The following PPP2R2D variants were observed in gnomAD, a reference collection of about 807,000 sequenced individuals.
PPP2R2D encodes the protein protein phosphatase 2 regulatory subunit Bdelta.
PPP2R2D carries 9 observed loss-of-function variants against 31.1 expected under a neutral mutation model. The ratio of observed to expected loss-of-function variants is 0.29; its 90% CI spans 0.17 to 0.51. PPP2R2D has a LOEUF of 0.51. PPP2R2D is among the 20% of genes least tolerant of loss of function. The pLI is 0.98. For missense variants in PPP2R2D, 391 were observed against 465.6 expected, an observed-to-expected ratio of 0.84 and a Z score of 1.48; for synonymous variants, 179 against 172.6, an observed-to-expected ratio of 1.04 and a Z score of -0.29.
chr10:131,957,691 C>CAT lies in PPP2R2D; in HGVS notation c.*1728_*1729insAT, dbSNP rs1564829334. 7 of 166,016 alleles carry CAT rather than the reference C, an allele frequency of 4.2e-5. No homozygotes were observed. The highest frequency in any genetic ancestry group is 1.2e-4 in the South Asian group (1 of 8,632). The allele number at this position is 166,016 out of a possible 1,614,324, so 10.3% of individuals were successfully genotyped here. On this transcript the variant is annotated 3_prime_UTR_variant, in exon 9 of 9. Coordinates refer to ENST00000455566, the MANE Select transcript of PPP2R2D (RefSeq NM_018461.5). ...GAGATGAAGGGGTGTGCTGATCCCC[C>CAT]GTCCCCCTGTGGAGATGAAGGTGTG...
chr10:131,948,188 AC>A (rs1338757399), intron 8 of PPP2R2D, among the ~76,000 whole-genome samples: 6 of 152,190 alleles, frequency 3.9e-5, no homozygotes, highest in Admixed American at 2.6e-4. Context: ...AGATGAAAAC[AC>A]CCCAGAGCCA....
At chr10:131,901,725 G>C (rs932528170) in intron 2 of PPP2R2D, among the ~76,000 whole-genome samples, 2 of 152,144 alleles carry the variant, frequency 1.3e-5, no homozygotes, top group African/African-American at 2.4e-5. Context: ...TCGTGCGCTC[G>C]GGCAGCGCGG....
At chr10:131,944,422 T>A (rs566056361) in intron 6 of PPP2R2D, among the ~76,000 whole-genome samples, 1 of 151,730 alleles carries the variant, frequency 6.6e-6, no homozygotes, top group East Asian at 1.9e-4. Context: ...TAGGCTACAT[T>A]TGAAAAACCA....
intron 2 of PPP2R2D, among the ~76,000 whole-genome samples, chr10:131,917,498 C>T (rs1424079089): frequency 1.7e-5 from 2 of 118,354 alleles, no homozygotes; most frequent in African/African-American, 6.6e-5. Flanking sequence ...AGGGACCTCA[C>T]ACGGATGGAA....
At chr10:131,905,477 C>T (rs1390718856) in intron 2 of PPP2R2D, among the ~76,000 whole-genome samples, 3 of 152,198 alleles carry the variant, frequency 2.0e-5, no homozygotes, top group Admixed American at 1.3e-4. Context: ...TTGCTTCTCT[C>T]TCTGGTAGAC....
intron 2 of PPP2R2D, among the ~76,000 whole-genome samples, chr10:131,901,620 C>T (rs2035498198): frequency 6.6e-6 from 1 of 152,228 alleles, no homozygotes; most frequent in African/African-American, 2.4e-5. Flanking sequence ...GGGGCTGCCT[C>T]CTGCCCGGGG....
Position 131,956,250 on chromosome 10 carries a change from C to A in PPP2R2D, c.*287C>A. On this transcript the variant is annotated 3_prime_UTR_variant, in exon 9 of 9. Coordinates refer to ENST00000455566, the MANE Select transcript of PPP2R2D (RefSeq NM_018461.5). ...ATAAATGTATTTATTTCAGTCCGAGCCTTCCTTTCCAATTTATAGACCAAA... is the reference window on the plus strand; with the variant it reads ...ATAAATGTATTTATTTCAGTCCGAGACTTCCTTTCCAATTTATAGACCAAA... 1 of 1,113,232 alleles carries A rather than the reference C, an allele frequency of 9.0e-7. No individual in the cohort carries two copies. The highest frequency in any genetic ancestry group is 1.1e-6 in the Non-Finnish European group (1 of 912,912). The allele number at this position is 1,113,232 out of a possible 1,614,324, so 69.0% of individuals were successfully genotyped here. A position where few individuals can be genotyped will look rare whatever the true frequency, so the allele number is the denominator to read the frequency against.
chr10:131,911,565 G>C (rs976629745), intron 2 of PPP2R2D: 1 of 152,264 alleles, frequency 6.6e-6, no homozygotes, highest in Non-Finnish European at 1.5e-5. Context: ...TGTGCAGGGC[G>C]TGGAGAGGAG....
chr10:131,963,049 C>T (rs1248095983), downstream of PPP2R2D, among the ~76,000 whole-genome samples: 17 of 152,218 alleles, frequency 1.1e-4, no homozygotes, highest in African/African-American at 4.1e-4. Flanking sequence ...CTTGTAATCC[C>T]GGCTACTTGG....
chr10:131,907,020 C>T (rs945517841), intron 2 of PPP2R2D, among the ~76,000 whole-genome samples: 1,982 of 151,592 alleles, frequency 0.013, 44 homozygotes, highest in African/African-American at 0.044. Flanking sequence ...TATATAATCT[C>T]CTATAATGTC....
intron 2 of PPP2R2D, among the ~76,000 whole-genome samples, chr10:131,927,035 G>A (rs920582046): frequency 3.3e-5 from 5 of 152,372 alleles, no homozygotes; most frequent in Admixed American, 6.5e-5. Flanking sequence ...GGGTCATCCC[G>A]CTCCAGGTGG....
At chr10:131,967,988 GATTA>G in the PPP2R2D span, 1 of 152,586 alleles carries the variant, frequency 6.6e-6, no homozygotes, top group Non-Finnish European at 1.5e-5. Context: ...GGTTTCTGTT[GATTA>G]TGAACAATTA....
chr10:131,908,016 G>C (rs1459085612), intron 2 of PPP2R2D, among the ~76,000 whole-genome samples: 4 of 152,182 alleles, frequency 2.6e-5, no homozygotes, highest in Non-Finnish European at 5.9e-5. Context: ...TAAATCAGAA[G>C]CTTTTTGTTA....
chr10:131,911,352 TG>T (rs1315941712), intron 2 of PPP2R2D, among the ~76,000 whole-genome samples: 2 of 152,230 alleles, frequency 1.3e-5, no homozygotes, highest in Non-Finnish European at 2.9e-5. Flanking sequence ...AACTGAATTT[TG>T]TTTTTTGTTT....
chr10:131,941,562 G>A lies in PPP2R2D; in HGVS notation c.477+868G>A, dbSNP rs1259160563. On this transcript the variant is annotated intron_variant, in intron 5 of 8. Coordinates refer to ENST00000455566, the MANE Select transcript of PPP2R2D (RefSeq NM_018461.5). ...TGGGTGGTTTGGTTGCGGGGGGTGG[G>A]TGGTTGAGTTGGGTGGTTTGGTTGG... 2.0e-5 allele frequency among the ~76,000 whole-genome samples: 3 copies of A among 152,052 alleles called. No homozygotes were observed. In the East Asian group the frequency reaches 5.8e-4, roughly 29 times the overall value.
At chr10:131,968,822 T>C in the PPP2R2D span, 1 of 362,670 alleles carries the variant, frequency 2.8e-6, no homozygotes, top group South Asian at 3.1e-5. Context: ...AACCGAATGC[T>C]GTTTCCACAC....
intron 3 of PPP2R2D, among the ~76,000 whole-genome samples, chr10:131,937,838 G>T (rs1554896694): frequency 2.6e-5 from 4 of 152,240 alleles, no homozygotes; most frequent in Admixed American, 2.6e-4. Context: ...TTGAGGGGCT[G>T]TGCTTTTTTG....
chr10:131,953,935 C>G (rs149692797), intron 8 of PPP2R2D, among the ~76,000 whole-genome samples: 2 of 152,184 alleles, frequency 1.3e-5, no homozygotes, highest in Non-Finnish European at 2.9e-5. Context: ...AGTCCATTCA[C>G]TCTCAAAAAC....
chr10:131,908,820 C>T (rs1436371556), intron 2 of PPP2R2D, among the ~76,000 whole-genome samples: 2 of 152,224 alleles, frequency 1.3e-5, no homozygotes, highest in African/African-American at 2.4e-5. Flanking sequence ...GACTCTGTCA[C>T]TTCAGGGAGC....
Sources: allele counts gnomAD v4.1 joint callset (sites outside exome capture counted in the v4.1 genomes callset), GRCh38; gene constraint gnomAD v4.1.1; transcripts MANE v1.5; gene names NCBI Gene and HGNC (gene_info 2026-07-23, HGNC 2026-07-21).